Variants in SPIDR observed in about 807,000 individuals in gnomAD.
SPIDR encodes the protein scaffold protein involved in DNA repair, also known as DNA repair-scaffolding protein.
SPIDR carries 93 observed loss-of-function variants against 104.6 expected under a neutral mutation model. That is an observed-to-expected ratio of 0.89 (90% CI 0.75 to 1.06). The LOEUF (loss-of-function observed/expected upper bound fraction) is 1.06, where lower values mean the gene tolerates loss of function less well. Ranked by LOEUF, SPIDR falls within the 50% of genes least tolerant of loss-of-function variation. SPIDR has a pLI of 0.00. For missense variants in SPIDR, 1,154 were observed against 1,111.2 expected, an observed-to-expected ratio of 1.04 and a Z score of -0.55; for synonymous variants, 431 against 416.9, an observed-to-expected ratio of 1.03 and a Z score of -0.41.
intron 10 of SPIDR, among the ~76,000 whole-genome samples, chr8:47,618,549 CGAA>C (rs1257418318): frequency 1.3e-5 from 2 of 151,894 alleles, no homozygotes; most frequent in African/African-American, 4.8e-5. Context: ...ATATTATACA[CGAA>C]GGAGATAAAC....
At chr8:47,342,860 A>AT (rs2051054441) in intron 5 of SPIDR, among the ~76,000 whole-genome samples, 2 of 152,174 alleles carry the variant, frequency 1.3e-5, no homozygotes, top group Non-Finnish European at 2.9e-5. Flanking sequence ...GACTAGTCAT[A>AT]TTTATGAGCA....
At chr8:47,729,948 ACCTCAGGTGATCCTCCAACCTTGG>A (rs1399577243) in intron 19 of SPIDR, among the ~76,000 whole-genome samples, 1 of 152,010 alleles carries the variant, frequency 6.6e-6, no homozygotes, top group Non-Finnish European at 1.5e-5. Context: ...CGAACTCTTG[ACCTCAGGTGATCCTCCAACCTTGG>A]CCTCCCAAAG....
In SPIDR at chr8:47,290,043, G is replaced by T. The variant is rs943716012; in HGVS notation, c.257-990G>T. The stretch of plus-strand genomic sequence containing the variant: ...GTGATTTTATTTATATAACCTTTTT[G>T]TGTGTGTGTGTGTGAGATGGAGTTT... On this transcript the variant is annotated intron_variant, in intron 3 of 19. Coordinates refer to ENST00000297423, the MANE Select transcript of SPIDR (RefSeq NM_001080394.4). Among the ~76,000 whole-genome samples the T allele has an allele frequency of 2.0e-5, 3 of 151,504 alleles. No homozygotes were observed. The South Asian group carries it at 6.2e-4, about 32-fold the overall frequency.
chr8:47,337,738 T>C lies in SPIDR; in HGVS notation c.525+43708T>C, dbSNP rs1554610725. Among the ~76,000 whole-genome samples, 3 of 152,128 alleles carry C rather than the reference T, an allele frequency of 2.0e-5. No individual in the cohort carries two copies. In the South Asian group the frequency reaches 6.2e-4, roughly 31 times the overall value. ...GCTTTTCAATTAGGTGTATGGTCCG[T>C]TTTGAATTAACTTTTTTGGTAGTGT... On this transcript the variant is annotated intron_variant, in intron 5 of 19. Coordinates refer to ENST00000297423, the MANE Select transcript of SPIDR (RefSeq NM_001080394.4).
rs906583858 is a variant in SPIDR, at chr8:47,535,396, A to G, written c.1098-60415A>G. On this transcript the variant is annotated intron_variant, in intron 8 of 19. Coordinates refer to ENST00000297423, the MANE Select transcript of SPIDR (RefSeq NM_001080394.4). ...GAAATAAAGCTGTCCTTATTTGCAG[A>G]TAACAAATAACTAATTCTATGAGAC... Among the ~76,000 whole-genome samples the G allele has an allele frequency of 3.3e-5, 5 of 152,086 alleles. 1 individual carries two copies. Among genetic ancestry groups the G allele is most frequent in the East Asian group, 3.9e-4 (2 of 5,130 alleles).
chr8:47,364,959 TC>T, intron 5 of SPIDR, among the ~76,000 whole-genome samples: 1 of 152,194 alleles, frequency 6.6e-6, no homozygotes, highest in Non-Finnish European at 1.5e-5. Flanking sequence ...CCCTCCGTCT[TC>T]CCCACAGCAA....
intron 8 of SPIDR, among the ~76,000 whole-genome samples, chr8:47,572,507 C>A (rs1402808040): frequency 6.6e-6 from 1 of 151,856 alleles, no homozygotes; most frequent in African/African-American, 2.4e-5. Context: ...ACTAAAAATA[C>A]AAAAGTTAGC....
At chr8:47,450,038 C>T (rs2071414656) in intron 8 of SPIDR, among the ~76,000 whole-genome samples, 1 of 152,110 alleles carries the variant, frequency 6.6e-6, no homozygotes, top group Admixed American at 6.5e-5. Context: ...ATGGTGCATG[C>T]ATGTAGTCCC....
At chr8:47,427,767 C>T (rs1249857011) in intron 7 of SPIDR, among the ~76,000 whole-genome samples, 3 of 152,082 alleles carry the variant, frequency 2.0e-5, no homozygotes, top group African/African-American at 7.2e-5. Context: ...TTGTCGCAAG[C>T]GTGTAGCCAG....
At chr8:47,526,085 C>T (rs1409566806) in intron 8 of SPIDR, among the ~76,000 whole-genome samples, 2 of 152,200 alleles carry the variant, frequency 1.3e-5, no homozygotes, top group Non-Finnish European at 2.9e-5. Context: ...CTGAGTTAAA[C>T]TTAGAGCCTC....
At chr8:47,554,119 C>G (rs139902308) in intron 8 of SPIDR, among the ~76,000 whole-genome samples, 46 of 152,256 alleles carry the variant, frequency 3.0e-4, no homozygotes, top group Non-Finnish European at 1.9e-4. Flanking sequence ...AGATCTTCGT[C>G]TCAGTGGGGC....
intron 5 of SPIDR, among the ~76,000 whole-genome samples, chr8:47,367,385 C>T (rs150546061): frequency 1.2e-4 from 18 of 152,278 alleles, no homozygotes; most frequent in African/African-American, 4.1e-4. Flanking sequence ...TCCACCACCA[C>T]CTTGATTTCA....
At chr8:47,308,765 T>C (rs2043582481) in intron 5 of SPIDR, among the ~76,000 whole-genome samples, 1 of 152,186 alleles carries the variant, frequency 6.6e-6, no homozygotes, top group African/African-American at 2.4e-5. Context: ...ACATGCCCTA[T>C]ATTTGGAAGA....
intron 8 of SPIDR, among the ~76,000 whole-genome samples, chr8:47,463,668 AC>A (rs2074315499): frequency 6.6e-6 from 1 of 152,180 alleles, no homozygotes; most frequent in African/African-American, 2.4e-5. Context: ...AAAGAGTTAT[AC>A]CCCATTTCCA....
chr8:47,330,570 T>G (rs916700051), intron 5 of SPIDR, among the ~76,000 whole-genome samples: 1 of 152,196 alleles, frequency 6.6e-6, no homozygotes, highest in Non-Finnish European at 1.5e-5. Flanking sequence ...ATCTCTATAG[T>G]TTTGCCTTAT....
intron 10 of SPIDR, among the ~76,000 whole-genome samples, chr8:47,611,811 A>T (rs1455450290): frequency 6.6e-6 from 1 of 152,236 alleles, no homozygotes; most frequent in African/African-American, 2.4e-5. Flanking sequence ...CCACAGGCAG[A>T]TGATAGAAGA....
intron 5 of SPIDR, among the ~76,000 whole-genome samples, chr8:47,303,393 C>T (rs924669460): frequency 1.8e-4 from 28 of 152,302 alleles, no homozygotes; most frequent in East Asian, 1.4e-3. Flanking sequence ...TTGCACTTCC[C>T]GGGTGAGGTG....
chr8:47,399,704 A>G (rs561174837), intron 6 of SPIDR, among the ~76,000 whole-genome samples: 1 of 152,310 alleles, frequency 6.6e-6, no homozygotes, highest in Admixed American at 6.5e-5. Context: ...CCAGGGGCAC[A>G]CTAAAAGGGG....
chr8:47,619,857 G>C (rs1056744571), intron 10 of SPIDR, among the ~76,000 whole-genome samples: 1 of 152,056 alleles, frequency 6.6e-6, no homozygotes, highest in Non-Finnish European at 1.5e-5. Flanking sequence ...TTAGCCACCT[G>C]CTCAGCACAT....
Sources: allele counts gnomAD v4.1 joint callset (sites outside exome capture counted in the v4.1 genomes callset), GRCh38; gene constraint gnomAD v4.1.1; transcripts MANE v1.5; gene names NCBI Gene and HGNC (gene_info 2026-07-23, HGNC 2026-07-21).